Variants in CCDC170 observed in about 807,000 individuals in gnomAD.
The protein encoded by CCDC170 is coiled-coil domain containing 170.
CCDC170 carries 69 observed loss-of-function variants against 72.6 expected under a neutral mutation model. The observed-to-expected ratio is 0.95, with a 90% CI of 0.78 to 1.16. CCDC170 has a LOEUF of 1.16. Ranked by LOEUF, CCDC170 falls within the 50% of genes most tolerant of loss-of-function variation. The pLI, the probability that CCDC170 is intolerant of heterozygous loss-of-function variation, is 0.00. For missense variants in CCDC170, 852 were observed against 832.5 expected (o/e 1.02, Z -0.29); for synonymous variants, 300 against 303.9 (o/e 0.99, Z 0.13).
intron 9 of CCDC170, among the ~76,000 whole-genome samples, chr6:151,600,111 G>T (rs1776682405): frequency 6.6e-6 from 1 of 152,154 alleles, no homozygotes; most frequent in Non-Finnish European, 1.5e-5. Flanking sequence ...TGTTAACACA[G>T]TAAGTGTCAA....
intron 1 of CCDC170, among the ~76,000 whole-genome samples, chr6:151,497,614 G>A (rs948966218): frequency 6.6e-6 from 1 of 152,126 alleles, no homozygotes; most frequent in Non-Finnish European, 1.5e-5. Flanking sequence ...ATATGCTTTG[G>A]GGGAAGTTTA....
chr6:151,552,974 G>C (rs538309152), intron 5 of CCDC170, among the ~76,000 whole-genome samples: 2 of 151,660 alleles, frequency 1.3e-5, no homozygotes, highest in East Asian at 3.9e-4. Flanking sequence ...TTTTAGTAGA[G>C]AGAGGTTTCA....
chr6:151,573,195 G>C lies in CCDC170; in HGVS notation c.796G>C (p.Ala266Pro). 1 of 1,613,614 alleles carries C rather than the reference G, an allele frequency of 6.2e-7. No individual in the cohort carries two copies. ...LNQDLLSAVEAKEALEREVKI... is the reference protein window; with the variant it reads ...LNQDLLSAVEPKEALEREVKI... ...TTAGGACCTGCTCAGTGCTGTAGAA[G>C]CAAAAGAAGCTCTTGAAAGGGAAGT... Residue 266 changes from alanine (A) to proline (P), a missense_variant, in exon 6 of 11, where the codon GCA becomes CCA. Coordinates refer to ENST00000239374, the MANE Select transcript of CCDC170 (RefSeq NM_025059.4).
At chr6:151,615,879 C>T (rs1219786191) in intron 10 of CCDC170, 200 bp downstream of exon 10, 2 of 540,282 alleles carry the variant, frequency 3.7e-6, no homozygotes, top group East Asian at 6.1e-5. Context: ...GAAGCGAGAA[C>T]TAGTCACATA....
At chr6:151,580,536 G>A (rs1268366145) in intron 6 of CCDC170, among the ~76,000 whole-genome samples, 3 of 151,788 alleles carry the variant, frequency 2.0e-5, no homozygotes, top group Non-Finnish European at 4.4e-5. Flanking sequence ...TTTTATTATT[G>A]GTAAGCAGGA....
intron 1 of CCDC170, among the ~76,000 whole-genome samples, chr6:151,532,724 T>A (rs1173228831): frequency 6.6e-6 from 1 of 152,200 alleles, no homozygotes. Context: ...TTTATAAAAT[T>A]AACATGACCC....
At chr6:151,601,979 G>A (rs1776716516) in intron 9 of CCDC170, among the ~76,000 whole-genome samples, 1 of 152,200 alleles carries the variant, frequency 6.6e-6, no homozygotes, top group African/African-American at 2.4e-5. Flanking sequence ...TGTCCATTCA[G>A]CATTTGATGA....
intron 8 of CCDC170, among the ~76,000 whole-genome samples, chr6:151,595,880 G>T (rs1776614143): frequency 6.6e-6 from 1 of 152,080 alleles, no homozygotes; most frequent in Non-Finnish European, 1.5e-5. Context: ...AGTTCTAAGG[G>T]ATTGAAATGA....
chr6:151,502,767 G>A (rs1782010461), intron 1 of CCDC170, among the ~76,000 whole-genome samples: 1 of 152,148 alleles, frequency 6.6e-6, no homozygotes, highest in Non-Finnish European at 1.5e-5. Context: ...TTGAGTCTTA[G>A]GCACTCTGTT....
At chr6:151,582,813 G>T (rs1776396602) in intron 6 of CCDC170, among the ~76,000 whole-genome samples, 1 of 152,052 alleles carries the variant, frequency 6.6e-6, no homozygotes. Flanking sequence ...GGAACTAAGA[G>T]TGAGCAGTCA....
At chr6:151,617,408 CTTTTT>C (rs745655791) in intron 10 of CCDC170, among the ~76,000 whole-genome samples, 1 of 91,466 alleles carries the variant, frequency 1.1e-5, no homozygotes, top group African/African-American at 3.9e-5. Context: ...GCTGTTTGTT[CTTTTT>C]TTTTTTTTTT....
chr6:151,502,201 G>A (rs1323284336), intron 1 of CCDC170, among the ~76,000 whole-genome samples: 1 of 152,164 alleles, frequency 6.6e-6, no homozygotes, highest in Non-Finnish European at 1.5e-5. Context: ...GAGCCCAAGA[G>A]TTTAGAGACT....
At chr6:151,603,145 C>T (rs1776736181) in intron 9 of CCDC170, among the ~76,000 whole-genome samples, 1 of 152,122 alleles carries the variant, frequency 6.6e-6, no homozygotes, top group African/African-American at 2.4e-5. Flanking sequence ...CATTAATGGA[C>T]TAATACATCC....
At chr6:151,509,853 G>T (rs1395188249) in intron 1 of CCDC170, among the ~76,000 whole-genome samples, 1 of 152,106 alleles carries the variant, frequency 6.6e-6, no homozygotes, top group East Asian at 1.9e-4. Flanking sequence ...GGCCAGGCGT[G>T]GTGGCTCACG....
chr6:151,498,851 C>T (rs1046648607), intron 1 of CCDC170, among the ~76,000 whole-genome samples: 39 of 143,386 alleles, frequency 2.7e-4, no homozygotes, highest in Admixed American at 5.5e-4. Context: ...ATTCTAGGCA[C>T]GCTGTATAAG....
intron 7 of CCDC170, among the ~76,000 whole-genome samples, chr6:151,590,866 T>C (rs1776524909): frequency 6.6e-6 from 1 of 152,248 alleles, no homozygotes; most frequent in Admixed American, 6.5e-5. Flanking sequence ...GGTACTTATC[T>C]ATTTTATGTA....
intron 5 of CCDC170, among the ~76,000 whole-genome samples, chr6:151,560,742 G>C (rs954778689): frequency 1.3e-5 from 2 of 152,010 alleles, no homozygotes; most frequent in Admixed American, 6.6e-5. Context: ...ACTGTTGTAG[G>C]TTTAAATTCT....
At chr6:151,576,616 G>C (rs796349118) in intron 6 of CCDC170, among the ~76,000 whole-genome samples, 4 of 152,132 alleles carry the variant, frequency 2.6e-5, no homozygotes, top group African/African-American at 9.6e-5. Flanking sequence ...TCTTTTTAGT[G>C]CCTTTGTCTG....
intron 1 of CCDC170, among the ~76,000 whole-genome samples, chr6:151,500,891 T>G (rs1781984657): frequency 6.6e-6 from 1 of 151,980 alleles, no homozygotes; most frequent in Admixed American, 6.6e-5. Context: ...AGACAAAAAT[T>G]TGGTAAGAGA....
Sources: allele counts gnomAD v4.1 joint callset (sites outside exome capture counted in the v4.1 genomes callset), GRCh38; gene constraint gnomAD v4.1.1; transcripts MANE v1.5; gene names NCBI Gene and HGNC (gene_info 2026-07-23, HGNC 2026-07-21).